The following DGKI variants were observed in gnomAD, a reference collection of about 807,000 sequenced individuals.
DGKI encodes the protein DAG kinase iota.
A neutral mutation model predicts 147.5 loss-of-function variants in DGKI; 55 were observed. The observed-to-expected ratio is 0.37, with a 90% confidence interval of 0.30 to 0.47. DGKI has a LOEUF of 0.47. Ranked by LOEUF, DGKI falls within the 20% of genes least tolerant of loss-of-function variation. The pLI is 1.00. For synonymous variants in DGKI, 469 were observed against 477.1 expected, an observed-to-expected ratio of 0.98 and a Z score of 0.22; for missense variants, 1,007 against 1,323.8, an observed-to-expected ratio of 0.76 and a Z score of 3.71.
At chr7:137,571,445 T>A (rs1008447799) in intron 18 of DGKI, among the ~76,000 whole-genome samples, 159 bp from the exon 19 acceptor site, 5 of 152,236 alleles carry the variant, frequency 3.3e-5, no homozygotes, top group African/African-American at 1.2e-4. Context: ...GCACTTCTTA[T>A]CATCTACAAA....
intron 1 of DGKI, among the ~76,000 whole-genome samples, chr7:137,763,595 T>A (rs1795924134): frequency 1.3e-5 from 2 of 152,258 alleles, no homozygotes; most frequent in South Asian, 4.1e-4. Context: ...CAAAGTATCC[T>A]CATTTTTGAA....
At chr7:137,479,288 T>C (rs1815287834) in intron 23 of DGKI, among the ~76,000 whole-genome samples, 1 of 152,172 alleles carries the variant, frequency 6.6e-6, no homozygotes, top group Non-Finnish European at 1.5e-5. Context: ...TTTAAATGAA[T>C]AATATTAGCA....
chr7:137,412,786 G>C (rs914453057), intron 28 of DGKI, among the ~76,000 whole-genome samples: 1 of 152,170 alleles, frequency 6.6e-6, no homozygotes. Context: ...ACAGCAAAGA[G>C]GAATCAAGTC....
intron 28 of DGKI, among the ~76,000 whole-genome samples, chr7:137,437,299 A>G (rs1343024173): frequency 6.6e-6 from 1 of 152,254 alleles, no homozygotes; most frequent in Non-Finnish European, 1.5e-5. Flanking sequence ...AAACTTTAGC[A>G]GGAATATTGA....
chr7:137,734,632 C>T (rs1474176341), intron 1 of DGKI, among the ~76,000 whole-genome samples: 1 of 151,986 alleles, frequency 6.6e-6, no homozygotes, highest in Non-Finnish European at 1.5e-5. Flanking sequence ...ATGATGGCAG[C>T]CCAGCCAACA....
intron 30 of DGKI, among the ~76,000 whole-genome samples, chr7:137,399,916 A>G (rs1254899279): frequency 6.6e-6 from 1 of 151,988 alleles, no homozygotes; most frequent in East Asian, 1.9e-4. Flanking sequence ...CTTCTCAAAA[A>G]AAAAAAAAAG....
rs1030503266 is a variant in DGKI, at chr7:137,634,651, A to G, written c.804+10821T>C. ...CATGAGTAGGTGGCTCAGATCACCC[A>G]CATTATCCACTATTATTACAGTACC... On this transcript the variant is annotated intron_variant, in intron 6 of 32. Coordinates refer to ENST00000614521, the MANE Select transcript of DGKI (RefSeq NM_001321708.2). Among the ~76,000 whole-genome samples the G allele has an allele frequency of 7.9e-5, 12 of 152,190 alleles. No homozygotes were observed. The East Asian group carries it at 9.6e-4, about 12-fold the overall frequency.
chr7:137,427,990 C>G (rs1233292366), intron 28 of DGKI, among the ~76,000 whole-genome samples: 4 of 150,690 alleles, frequency 2.7e-5, no homozygotes, highest in African/African-American at 9.8e-5. Context: ...GAACTGGTAC[C>G]ATTCCTTCTG....
intron 1 of DGKI, among the ~76,000 whole-genome samples, chr7:137,788,490 T>A (rs1000846551): frequency 6.6e-6 from 1 of 152,120 alleles, no homozygotes; most frequent in Non-Finnish European, 1.5e-5. Flanking sequence ...CTTCTCTTGA[T>A]GGCTACGTCT....
At chr7:137,745,715 C>T (rs1337136701) in intron 1 of DGKI, among the ~76,000 whole-genome samples, 1 of 151,926 alleles carries the variant, frequency 6.6e-6, no homozygotes, top group Non-Finnish European at 1.5e-5. Context: ...CTCAGATATG[C>T]CAAAGAGAAG....
At chr7:137,450,790 C>T (rs930057503) in intron 27 of DGKI, among the ~76,000 whole-genome samples, 1 of 151,032 alleles carries the variant, frequency 6.6e-6, no homozygotes, top group East Asian at 1.9e-4. Flanking sequence ...TTTATATATA[C>T]ACATATATAT....
chr7:137,769,440 C>G (rs1007064587), intron 1 of DGKI, among the ~76,000 whole-genome samples: 1 of 152,038 alleles, frequency 6.6e-6, no homozygotes, highest in Non-Finnish European at 1.5e-5. Context: ...AGTTTTATCA[C>G]CAAAAGCAAT....
At chr7:137,814,445 C>T (rs1797677818) in intron 1 of DGKI, among the ~76,000 whole-genome samples, 1 of 152,040 alleles carries the variant, frequency 6.6e-6, no homozygotes. Context: ...ACATTTAGTT[C>T]ATTATTTTTC....
At chr7:137,687,742 C>A (rs982353359) in intron 2 of DGKI, among the ~76,000 whole-genome samples, 5 of 152,172 alleles carry the variant, frequency 3.3e-5, no homozygotes, top group Admixed American at 2.6e-4. Context: ...TAACTCCTTA[C>A]ACATCAGATC....
chr7:137,487,182 T>C (rs1336830796), intron 22 of DGKI, among the ~76,000 whole-genome samples: 1 of 152,150 alleles, frequency 6.6e-6, no homozygotes, highest in Non-Finnish European at 1.5e-5. Flanking sequence ...ATGTAGAGGA[T>C]TTTTCTTTCC....
intron 20 of DGKI, among the ~76,000 whole-genome samples, chr7:137,539,677 A>T (rs547290014): frequency 1.3e-5 from 2 of 152,150 alleles, no homozygotes; most frequent in Admixed American, 6.5e-5. Context: ...TAAATAAAAG[A>T]TTCCACTTTA....
chr7:137,528,026 T>A (rs1817212570), intron 20 of DGKI, among the ~76,000 whole-genome samples: 1 of 152,216 alleles, frequency 6.6e-6, no homozygotes, highest in African/African-American at 2.4e-5. Flanking sequence ...GCCTGGTCCA[T>A]GTTGCTTACA....
In DGKI at chr7:137,819,068, G is replaced by A. The variant is rs185351668; in HGVS notation, c.401+27394C>T. 1.4e-4 allele frequency among the ~76,000 whole-genome samples: 21 copies of A among 152,228 alleles called. No homozygotes were observed. In the East Asian group the frequency reaches 3.9e-3, roughly 28 times the overall value. On this transcript the variant is annotated intron_variant, in intron 1 of 32. Coordinates refer to ENST00000614521, the MANE Select transcript of DGKI (RefSeq NM_001321708.2). ...GCTCTTCGACAGATTAAGTGCTTTA[G>A]CCATGGTCAAAAGCACGATCAAAGG...
chr7:137,532,879 C>G (rs184939584), intron 20 of DGKI, among the ~76,000 whole-genome samples: 13 of 152,218 alleles, frequency 8.5e-5, no homozygotes, highest in Non-Finnish European at 8.8e-5. Flanking sequence ...ATTTCTAGAA[C>G]AGAACTTAAA....
Sources: gnomAD v4.1 joint callset for allele counts (sites outside exome capture counted in the v4.1 genomes callset) on GRCh38, gnomAD v4.1.1 for gene constraint, MANE v1.5 for transcripts, NCBI Gene and HGNC (gene_info 2026-07-23, HGNC 2026-07-21) for gene names.